Variants in TRMU observed in about 807,000 individuals in gnomAD.
TRMU encodes mitochondrial tRNA-specific 2-thiouridylase 1.
TRMU carries 49 observed loss-of-function variants against 46.9 expected under a neutral mutation model. The observed-to-expected ratio is 1.05, with a 90% CI of 0.83 to 1.33. The LOEUF is 1.33. TRMU is among the 40% of genes most tolerant of loss of function. The probability of loss-of-function intolerance (pLI) is 0.00; values close to 1 mark genes in which losing one functional copy is unlikely to be tolerated. For synonymous variants in TRMU, 241 were observed against 200.9 expected, an observed-to-expected ratio of 1.20 and a Z score of -1.69; for missense variants, 572 against 532.4, an observed-to-expected ratio of 1.07 and a Z score of -0.73.
rs920852488 is a variant in TRMU, at chr22:46,339,659, C to CA, written c.248+1721dup. Among the ~76,000 whole-genome samples, 9 of 151,844 alleles carry CA rather than the reference C, an allele frequency of 5.9e-5. No individual in the cohort carries two copies. The highest frequency in any genetic ancestry group is 1.0e-4 in the Non-Finnish European group (7 of 67,958). The stretch of plus-strand genomic sequence containing the variant: ...ATGTGACCAAATACCAGCTGTTGCC[C>CA]AAAAAACCATTGAAATAACAATAAA... On this transcript the variant is annotated intron_variant, in intron 2 of 10. Coordinates refer to ENST00000645190, the MANE Select transcript of TRMU (RefSeq NM_018006.5). This position sits in a 1 kb window ranked among gnomAD's most constrained non-coding sequence, Gnocchi z 4.8.
At chr22:46,352,877 G>T (rs2078476472) in intron 7 of TRMU, 1 of 232,522 alleles carries the variant, frequency 4.3e-6, no homozygotes, top group African/African-American at 2.2e-5. Context: ...TCCTGCTGTG[G>T]GGACAGAGTG....
rs980588299 is a variant in TRMU at position 46,339,162 on chromosome 22, T to C, written c.248+1218T>C. On this transcript the variant is annotated intron_variant, in intron 2 of 10. Coordinates refer to ENST00000645190, the MANE Select transcript of TRMU (RefSeq NM_018006.5). The surrounding 1 kb of genome is among the most constrained non-coding windows in gnomAD (Gnocchi z 4.8). ...ACATAGCTGTTTTTCTTTTCTATTT[T>C]TTTTTGAGACAGAGCCTCGCTCTGT... is the stretch of plus-strand genomic sequence containing the variant. Among the ~76,000 whole-genome samples the C allele has an allele frequency of 6.6e-6, 1 of 152,094 alleles. No homozygotes were observed. The highest frequency in any genetic ancestry group is 1.5e-5 in the Non-Finnish European group (1 of 68,026).
intron 3 of TRMU, 83 bp from the exon 4 acceptor site, chr22:46,346,339 T>C: frequency 6.5e-6 from 10 of 1,544,750 alleles, no homozygotes; most frequent in South Asian, 2.4e-5. Context: ...GTCTATACTC[T>C]TCTTTTGTGC....
chr22:46,353,529 G>A, intron 7 of TRMU: 2 of 451,684 alleles, frequency 4.4e-6, no homozygotes, highest in South Asian at 2.0e-5. Flanking sequence ...TGGGGCACAA[G>A]GTGCCTTCTT....
rs775156317 is a variant in TRMU at position 46,337,847 on chromosome 22, G to C, written c.151G>C (p.Asp51His). Residue 51 changes from aspartate (D) to histidine (H), a missense_variant, in exon 2 of 11, where the codon GAC (aspartate) becomes CAC (histidine). Physicochemically the swap from Asp to His is moderately conservative, Grantham distance 81. Transcript: ENST00000645190. ...SLDEHGVCTA[D>H]KDCEDAYRVC... ...GGATGAACATGGGGTCTGTACTGCC[G>C]ACAAAGACTGTGAAGATGCTTACAG... The C allele has an allele frequency of 6.2e-7, 1 of 1,614,222 alleles. No individual in the cohort carries two copies. Among genetic ancestry groups the C allele is most frequent in the African/African-American group, 1.3e-5 (1 of 75,052 alleles).
At position 46,350,306 on chromosome 22, in the gene TRMU, A is replaced by G; in HGVS notation, c.494A>G (p.Gln165Arg). ...FEVRNAVKLL[Q>R]AADSFKDQTF... ...TTCTTGGCAGCGGTAAAACTCCTCCAGGCAGCTGACAGCTTTAAAGACCAG... is the reference window on the plus strand; with the variant it reads ...TTCTTGGCAGCGGTAAAACTCCTCCGGGCAGCTGACAGCTTTAAAGACCAG... The change falls in exon 5 of 11, where the codon CAG (glutamine) becomes CGG (arginine). Residue 165 changes from glutamine (Q) to arginine (R), a missense_variant. By Grantham distance (43) the Gln-to-Arg change is conservative (BLOSUM62 1). Transcript: ENST00000645190. This position sits in a 1 kb window ranked among gnomAD's most constrained non-coding sequence, Gnocchi z 4.6. The G allele has an allele frequency of 6.2e-7, 1 of 1,614,224 alleles. No homozygotes were observed. Among genetic ancestry groups the G allele is most frequent in the Non-Finnish European group, 8.5e-7 (1 of 1,180,046 alleles).
rs1047411352 is a variant in TRMU, at chr22:46,338,155, C to T, written c.248+211C>T. ...CCACAGCACACCCAGCTCTCTCACT[C>T]CTGTCATTTTGCCACTTGCCTGAAG... On this transcript the variant is annotated intron_variant, in intron 2 of 10. Transcript: ENST00000645190. The surrounding 1 kb of genome is among the most constrained non-coding windows in gnomAD (Gnocchi z 4.5). 1.7e-6 allele frequency: 1 copy of T among 602,878 alleles called. No individual in the cohort carries two copies. The highest frequency in any genetic ancestry group is 2.9e-6 in the Non-Finnish European group (1 of 341,812). 37.3% of individuals were successfully genotyped at this position (602,878 alleles called of 1,614,324 possible). A position where few individuals can be genotyped will look rare whatever the true frequency, so the allele number is the denominator to read the frequency against.
rs1162304728 is a variant in TRMU, at chr22:46,347,225, G to T, written c.478+681G>T. On this transcript the variant is annotated intron_variant, in intron 4 of 10. Transcript: ENST00000645190. The surrounding 1 kb of genome is among the most constrained non-coding windows in gnomAD (Gnocchi z 5.0). The stretch of plus-strand genomic sequence containing the variant: ...CCGTCCATCAGTGGGGACCCCTGAA[G>T]GGCAGCCTTGCTCTTTTGTCCGGAA... The T allele has an allele frequency of 1.3e-5, 2 of 152,810 alleles. No homozygotes were observed. Among genetic ancestry groups the T allele is most frequent in the Admixed American group, 6.5e-5 (1 of 15,398 alleles). 9.5% of individuals were successfully genotyped at this position (152,810 alleles called of 1,614,324 possible).
Position 46,355,470 on chromosome 22 carries a change from G to A in TRMU, c.900G>A (p.Leu300=). 1.2e-6 allele frequency: 2 copies of A among 1,613,072 alleles called. No individual in the cohort carries two copies. Among genetic ancestry groups the A allele is most frequent in the Non-Finnish European group, 1.7e-6 (2 of 1,179,912 alleles). ...CCCCCCGGACAGACCACCCAGCCCT[G>A]TACAGGGACCTGCTGAGGACCAGCC... is the stretch of plus-strand genomic sequence containing the variant. The part of the protein sequence containing the change: ...FVAPRTDHPA[L]YRDLLRTSRV... The change falls in exon 9 of 11, where the codon CTG becomes CTA. Residue 300 remains leucine (L), a synonymous_variant. Transcript: ENST00000645190.
rs1221021884 is a variant in TRMU, at chr22:46,347,291, A to G, written c.478+747A>G. ...GGAGCCTTGTCCCGCCATCTGGGGA[A>G]TAGGGGTCTCTGGGGCTGGGGCAGG... On this transcript the variant is annotated intron_variant, in intron 4 of 10. Coordinates refer to ENST00000645190, the MANE Select transcript of TRMU (RefSeq NM_018006.5). The surrounding 1 kb of genome is among the most constrained non-coding windows in gnomAD (Gnocchi z 5.0). 6.6e-6 allele frequency: 1 copy of G among 152,200 alleles called. No homozygotes were observed. The highest frequency in any genetic ancestry group is 1.5e-5 in the Non-Finnish European group (1 of 68,074). The allele number at this position is 152,200 out of a possible 1,614,324, so 9.4% of individuals were successfully genotyped here.
intron 8 of TRMU, 115 bp from the exon 9 acceptor site, chr22:46,355,329 A>G: frequency 6.8e-7 from 1 of 1,475,314 alleles, no homozygotes. Context: ...CGGTGCCAGC[A>G]CCGTTACCTG....
In TRMU at chr22:46,357,166, G is replaced by A; in HGVS notation, c.*160G>A. ...GCCTGCAGGGGCCCGGCGAGCCCCA[G>A]GAAGAGCCTCAGCTCCAGGCTGGGG... On this transcript the variant is annotated 3_prime_UTR_variant, in exon 11 of 11. Coordinates refer to ENST00000645190, the MANE Select transcript of TRMU (RefSeq NM_018006.5). 1.0e-6 allele frequency: 1 copy of A among 961,070 alleles called. No individual in the cohort carries two copies. Among genetic ancestry groups the A allele is most frequent in the East Asian group, 2.6e-5 (1 of 38,156 alleles). 59.5% of individuals were successfully genotyped at this position (961,070 alleles called of 1,614,324 possible). A position where few individuals can be genotyped will look rare whatever the true frequency, so the allele number is the denominator to read the frequency against.
rs2147113826 is a variant in TRMU at position 46,355,513 on chromosome 22, G to T, written c.943G>T (p.Glu315Ter). 2 of 1,613,274 alleles carry T rather than the reference G, an allele frequency of 1.2e-6. No individual in the cohort carries two copies. The highest frequency in any genetic ancestry group is 1.7e-6 in the Non-Finnish European group (2 of 1,180,034). Reference protein sequence around the residue: ...LRTSRVHWIAEEPPAALVRDK... With the variant: ...LRTSRVHWIA ...GACCAGCCGCGTGCACTGGATTGCG[G>T]AGGAGCCTCCCGCAGCACTGGTCCG... is the stretch of plus-strand genomic sequence containing the variant. Residue 315 changes from glutamate (E) to a stop codon, truncating the protein, a stop_gained, in exon 9 of 11, where the codon GAG (glutamate) becomes TAG (stop). Transcript: ENST00000645190. LOFTEE classifies it high-confidence loss of function.
intron 10 of TRMU, 85 bp downstream of exon 10, chr22:46,356,157 G>A: frequency 6.7e-7 from 1 of 1,484,788 alleles, no homozygotes; most frequent in Non-Finnish European, 9.3e-7. Context: ...GGAAGGGGCT[G>A]AGGCCCAGGA....
chr22:46,352,977 G>A (rs2078480256), intron 7 of TRMU: 1 of 169,282 alleles, frequency 5.9e-6, no homozygotes, highest in African/African-American at 2.4e-5. Flanking sequence ...CTGAGCTGTG[G>A]GACTGGCCAG....
rs2078145059 is a variant in TRMU, at chr22:46,342,402, G to A, written c.249-860G>A. ...ACCCTCCCTGGGGACCACCCTCCAG[G>A]AGCCTCCACAAGTGTAGCTGTGCAG... On this transcript the variant is annotated intron_variant, in intron 2 of 10. Coordinates refer to ENST00000645190, the MANE Select transcript of TRMU (RefSeq NM_018006.5). The surrounding 1 kb of genome is among the most constrained non-coding windows in gnomAD (Gnocchi z 4.7). Among the ~76,000 whole-genome samples the A allele has an allele frequency of 6.6e-6, 1 of 152,210 alleles. No homozygotes were observed. The highest frequency in any genetic ancestry group is 2.1e-4 in the South Asian group (1 of 4,832).
rs897341868 is a variant in TRMU, at chr22:46,347,724, C to T, written c.478+1180C>T. ...CATCCCGTTTCACAGATGAGGAAAC[C>T]GAGGCCCGGATGAAGCCATCTGACC... On this transcript the variant is annotated intron_variant, in intron 4 of 10. Transcript: ENST00000645190. The surrounding 1 kb of genome is among the most constrained non-coding windows in gnomAD (Gnocchi z 5.0). Among the ~76,000 whole-genome samples, 1 of 152,268 alleles carries T rather than the reference C, an allele frequency of 6.6e-6. No homozygotes were observed. The highest frequency in any genetic ancestry group is 2.1e-4 in the South Asian group (1 of 4,830).
chr22:46,352,227 CT>C (rs754349830), intron 6 of TRMU, 36 bp from the exon 7 acceptor site: 1 of 1,614,212 alleles, frequency 6.2e-7, no homozygotes, highest in South Asian at 1.1e-5. Flanking sequence ...TGCCCTGGGC[CT>C]AGATCTCCGT....
intron 3 of TRMU, among the ~76,000 whole-genome samples, chr22:46,344,658 A>G (rs1055841929): frequency 6.6e-6 from 1 of 152,190 alleles, no homozygotes; most frequent in Non-Finnish European, 1.5e-5. Flanking sequence ...GCTGTCAGGC[A>G]CGCTGTGGAA....
Sources: gnomAD v4.1 joint callset for allele counts (sites outside exome capture counted in the v4.1 genomes callset) on GRCh38, gnomAD v4.1.1 for gene constraint, Gnocchi (gnomAD v3.1) non-coding constraint, MANE v1.5 for transcripts, NCBI Gene and HGNC (gene_info 2026-07-23, HGNC 2026-07-21) for gene names.